The following FNBP4 variants were observed in gnomAD, a reference collection of about 807,000 sequenced individuals.
The protein encoded by FNBP4 is formin-binding protein 4.
In FNBP4, 34 loss-of-function variants were observed where a neutral mutation model predicts 119.3. The ratio of observed to expected loss-of-function variants is 0.28; its 90% confidence interval spans 0.22 to 0.38. FNBP4 has a LOEUF of 0.38. Ranked by LOEUF, FNBP4 falls within the 10% of genes least tolerant of loss-of-function variation. The probability of loss-of-function intolerance (pLI) is 1.00; values close to 1 mark genes in which losing one functional copy is unlikely to be tolerated. For synonymous variants in FNBP4, 462 were observed against 430.6 expected (o/e 1.07, Z -0.90); for missense variants, 1,112 against 1,228.9 (o/e 0.90, Z 1.42).
chr11:47,719,888 A>G, intron 16 of FNBP4, 41 bp downstream of exon 16: 1 of 1,608,736 alleles, frequency 6.2e-7, no homozygotes, highest in Non-Finnish European at 8.5e-7. Flanking sequence ...GTCTCAACCT[A>G]CTCCAAAACC....
At chr11:47,734,982 C>T (rs370052407) in intron 9 of FNBP4, among the ~76,000 whole-genome samples, 1 of 109,474 alleles carries the variant, frequency 9.1e-6, no homozygotes, top group Non-Finnish European at 2.1e-5. Context: ...CCCAACACCC[C>T]CCCCCCCAAA....
intron 12 of FNBP4, among the ~76,000 whole-genome samples, chr11:47,728,891 C>A (rs978028058): frequency 1.6e-5 from 2 of 128,932 alleles, no homozygotes; most frequent in African/African-American, 5.9e-5. Flanking sequence ...TTTGCTCTGT[C>A]GCCCAGGCTG....
At chr11:47,765,389 G>GAAAAGAA (rs2097645066) in intron 1 of FNBP4, 27 bp from the exon 2 acceptor site, 2 of 1,301,740 alleles carry the variant, frequency 1.5e-6, no homozygotes, top group African/African-American at 3.4e-5. Flanking sequence ...GAAAAGAAAA[G>GAAAAGAA]AAAAGAAAAG....
Position 47,765,254 on chromosome 11 carries a change from CA to C in FNBP4, c.313+15del. 6.4e-7 allele frequency: 1 copy of C among 1,570,048 alleles called. No individual in the cohort carries two copies. The highest frequency in any genetic ancestry group is 8.6e-7 in the Non-Finnish European group (1 of 1,156,298). On this transcript the variant is annotated intron_variant, in intron 2 of 16. Coordinates refer to ENST00000263773, the MANE Select transcript of FNBP4 (RefSeq NM_015308.5). ...GACGTGGGAGAAAAAATGTAAAAAA[CA>C]AAACAAAAGCATACCTGTTGCTTTA...
rs115250865 is a variant in FNBP4, at chr11:47,719,352, G to C, written c.2963+577C>G. On this transcript the variant is annotated intron_variant, in intron 16 of 16. Coordinates refer to ENST00000263773, the MANE Select transcript of FNBP4 (RefSeq NM_015308.5). ...GTGAAGGATTTTCTTACCTAGAAGA[G>C]GTTCATTTAGTTCCTAGTGTGGTGT... Among the ~76,000 whole-genome samples, 146 of 152,282 alleles carry C rather than the reference G, an allele frequency of 9.6e-4. 1 individual carries two copies. The highest frequency in any genetic ancestry group is 3.4e-3 in the African/African-American group (143 of 41,558).
In FNBP4 at chr11:47,724,041, T is replaced by A. The variant is rs2097558470; in HGVS notation, c.2451A>T (p.Ser817=). The part of the protein sequence containing the change: ...IGSSPVLYSQ[S]AIATGHQAAG... ...ATGCACAATTACCTGTAGCTATAGCTGACTGGCTATAGAGAACTGGAGAAC... is the reference window on the plus strand; with the variant it reads ...ATGCACAATTACCTGTAGCTATAGCAGACTGGCTATAGAGAACTGGAGAAC... The change falls in exon 14 of 17, where the codon TCA becomes TCT. Residue 817 remains serine, a synonymous_variant. Coordinates refer to ENST00000263773, the MANE Select transcript of FNBP4 (RefSeq NM_015308.5). 8 of 1,614,028 alleles carry A rather than the reference T, an allele frequency of 5.0e-6. No individual in the cohort carries two copies. Among genetic ancestry groups the A allele is most frequent in the Admixed American group, 1.7e-5 (1 of 59,996 alleles).
At chr11:47,728,062 G>A (rs2097563170) in intron 12 of FNBP4, among the ~76,000 whole-genome samples, 1 of 151,352 alleles carries the variant, frequency 6.6e-6, no homozygotes, top group Admixed American at 6.6e-5. Flanking sequence ...TTTTAGTAGA[G>A]GCGGGGTTTC....
At chr11:47,760,586 CA>C (rs2097631911) in intron 2 of FNBP4, among the ~76,000 whole-genome samples, 1 of 152,022 alleles carries the variant, frequency 6.6e-6, no homozygotes, top group South Asian at 2.1e-4. Context: ...AGTGCACCAC[CA>C]ACCACAGGTA....
At chr11:47,742,898 A>G (rs1599211276) in intron 8 of FNBP4, among the ~76,000 whole-genome samples, 1 of 152,272 alleles carries the variant, frequency 6.6e-6, no homozygotes, top group African/African-American at 2.4e-5. Context: ...CTCAAAAAAT[A>G]TAAATAAAAA....
intron 1 of FNBP4, 123 bp downstream of exon 1, chr11:47,766,946 C>T: frequency 7.3e-7 from 1 of 1,374,062 alleles, no homozygotes; most frequent in Non-Finnish European, 9.3e-7. Context: ...GCCTGCAGGC[C>T]CGCAGCAGGC....
chr11:47,719,587 TG>T (rs2097553318), intron 16 of FNBP4, among the ~76,000 whole-genome samples: 3 of 104,770 alleles, frequency 2.9e-5, no homozygotes, highest in Non-Finnish European at 7.0e-5. Flanking sequence ...TGTGTGTGTG[TG>T]TGTGTGTGTG....
At chr11:47,727,135 C>T (rs1213495108) in intron 12 of FNBP4, 1 of 152,034 alleles carries the variant, frequency 6.6e-6, no homozygotes. Flanking sequence ...TTTATGACCT[C>T]CAACAAAGCT....
chr11:47,761,391 A>T (rs2097634108), intron 2 of FNBP4, among the ~76,000 whole-genome samples: 1 of 152,116 alleles, frequency 6.6e-6, no homozygotes, highest in Non-Finnish European at 1.5e-5. Flanking sequence ...TCAGGAGTTC[A>T]AGACCAGCCT....
chr11:47,766,722 G>A (rs2097648391), intron 1 of FNBP4, among the ~76,000 whole-genome samples: 1 of 152,270 alleles, frequency 6.6e-6, no homozygotes, highest in Non-Finnish European at 1.5e-5. Flanking sequence ...ACAGTCACAG[G>A]CCGCGCACGC....
At chr11:47,729,791 A>T in intron 12 of FNBP4, 1 of 985,432 alleles carries the variant, frequency 1.0e-6, no homozygotes, top group Non-Finnish European at 1.2e-6. Flanking sequence ...AGCTCTCTTT[A>T]TTAGGCTTAG....
chr11:47,745,096 G>A (rs2097587774), intron 7 of FNBP4, among the ~76,000 whole-genome samples: 1 of 152,106 alleles, frequency 6.6e-6, no homozygotes, highest in African/African-American at 2.4e-5. Context: ...CATCACCTCA[G>A]GACCACTGTG....
Position 47,732,663 on chromosome 11 carries a change from A to G in FNBP4, c.1694T>C (p.Ile565Thr), listed in dbSNP as rs1051029498. The change falls in exon 11 of 17, where the codon ATT becomes ACT. Residue 565 changes from isoleucine (I) to threonine (T), a missense_variant. Coordinates refer to ENST00000263773, the MANE Select transcript of FNBP4 (RefSeq NM_015308.5). The surrounding 1 kb of genome is among the most constrained non-coding windows in gnomAD (Gnocchi z 4.2). Reference protein sequence around the residue: ...HVLLLQTETRIADWREGALNG... With the variant: ...HVLLLQTETRTADWREGALNG... ...AAGAGCCCCTTCCCGCCAGTCTGCA[A>G]TTCGAGTCTAGAATAAACAGACAAA... is the stretch of plus-strand genomic sequence containing the variant. 3 of 1,614,178 alleles carry G rather than the reference A, an allele frequency of 1.9e-6. No individual in the cohort carries two copies. Among genetic ancestry groups the G allele is most frequent in the Non-Finnish European group, 2.5e-6 (3 of 1,180,008 alleles).
chr11:47,735,548 T>C (rs1599187121), intron 9 of FNBP4, among the ~76,000 whole-genome samples: 1 of 152,344 alleles, frequency 6.6e-6, no homozygotes, highest in Non-Finnish European at 1.5e-5. Flanking sequence ...ATTAAATCTG[T>C]GACTTTTCTC....
In FNBP4 at chr11:47,724,783, G is replaced by A; in HGVS notation, c.2009-5C>T. On this transcript the variant is annotated splice_region_variant and splice_polypyrimidine_tract_variant and intron_variant, in intron 12 of 16. Transcript: ENST00000263773. ...AGGATTCTTTACAAAGAGAACCTAT[G>A]AAAACAGGTAAGAGTCAGGGAAAAA... The A allele has an allele frequency of 6.5e-7, 1 of 1,535,138 alleles. No homozygotes were observed. The highest frequency in any genetic ancestry group is 8.8e-7 in the Non-Finnish European group (1 of 1,142,572).
Sources: gnomAD v4.1 joint callset for allele counts (sites outside exome capture counted in the v4.1 genomes callset) on GRCh38, gnomAD v4.1.1 for gene constraint, Gnocchi (gnomAD v3.1) non-coding constraint, MANE v1.5 for transcripts, NCBI Gene and HGNC (gene_info 2026-07-23, HGNC 2026-07-21) for gene names.